CIT: variants seen among roughly 807,000 people sequenced by gnomAD.
CIT encodes the protein citron Rho-interacting kinase.
CIT carries 79 observed loss-of-function variants against 272.7 expected under a neutral mutation model. That is an observed-to-expected ratio of 0.29 (90% CI 0.24 to 0.35). CIT has a LOEUF of 0.35. Ranked by LOEUF, CIT falls within the 10% of genes least tolerant of loss-of-function variation. CIT has a pLI of 1.00. For missense variants in CIT, 1,909 were observed against 2,618.3 expected (o/e 0.73, Z 5.91); for synonymous variants, 948 against 995.6 (o/e 0.95, Z 0.90).
chr12:119,807,459 CA>C (rs1372356956), intron 9 of CIT, among the ~76,000 whole-genome samples: 1 of 151,368 alleles, frequency 6.6e-6, no homozygotes, highest in Non-Finnish European at 1.5e-5. Flanking sequence ...TTGATCCTTA[CA>C]AAATGTGATT....
At position 119,694,424 on chromosome 12, in the gene CIT, T is replaced by G. The variant is rs1480665426; in HGVS notation, c.5882+3235A>C. Among the ~76,000 whole-genome samples the G allele has an allele frequency of 6.6e-6, 1 of 152,142 alleles. No homozygotes were observed. Among genetic ancestry groups the G allele is most frequent in the African/African-American group, 2.4e-5 (1 of 41,418 alleles). On this transcript the variant is annotated intron_variant, in intron 46 of 47. Transcript: ENST00000392521. This position sits in a 1 kb window ranked among gnomAD's most constrained non-coding sequence, Gnocchi z 4.5. ...AGGCATCTGGGGAGAAATGAATGAATAACTACTTCTCACACTGACACGGAG... is the reference window on the plus strand; with the variant it reads ...AGGCATCTGGGGAGAAATGAATGAAGAACTACTTCTCACACTGACACGGAG...
intron 9 of CIT, among the ~76,000 whole-genome samples, chr12:119,816,084 C>G (rs976174615): frequency 6.6e-6 from 1 of 152,016 alleles, no homozygotes; most frequent in Non-Finnish European, 1.5e-5. Flanking sequence ...ATAAATGGAA[C>G]AATAATAAGC....
chr12:119,762,398 G>A (rs1218625163), intron 19 of CIT, among the ~76,000 whole-genome samples: 1 of 152,166 alleles, frequency 6.6e-6, no homozygotes, highest in Non-Finnish European at 1.5e-5. Flanking sequence ...GTAGAATCGA[G>A]GGTATGATCA....
In CIT at chr12:119,804,079, G is replaced by T; in HGVS notation, c.1112-690C>A. The T allele has an allele frequency of 1.3e-6, 1 of 768,204 alleles. No individual in the cohort carries two copies. Among genetic ancestry groups the T allele is most frequent in the Non-Finnish European group, 1.6e-6 (1 of 632,680 alleles). The allele number at this position is 768,204 out of a possible 1,614,324, so 47.6% of individuals were successfully genotyped here. A position where few individuals can be genotyped will look rare whatever the true frequency, so the allele number is the denominator to read the frequency against. On this transcript the variant is annotated intron_variant, in intron 9 of 47. Coordinates refer to ENST00000392521, the MANE Select transcript of CIT (RefSeq NM_001206999.2). The surrounding 1 kb of genome is among the most constrained non-coding windows in gnomAD (Gnocchi z 5.3). ...GTTTAATCAGCATAATGAAGCACCAGCCAAATAAAGTTCCTACCGGTGATC... is the reference window on the plus strand; with the variant it reads ...GTTTAATCAGCATAATGAAGCACCATCCAAATAAAGTTCCTACCGGTGATC...
At chr12:119,730,719 A>C in intron 26 of CIT, 89 bp from the exon 27 acceptor site, 3 of 1,414,604 alleles carry the variant, frequency 2.1e-6, no homozygotes, top group Non-Finnish European at 2.9e-6. Context: ...CCTGACGAGC[A>C]ACTAAACAGG....
chr12:119,793,554 GC>G (rs1192888094), intron 10 of CIT, among the ~76,000 whole-genome samples: 4 of 152,254 alleles, frequency 2.6e-5, no homozygotes, highest in African/African-American at 9.6e-5. Context: ...ATACCTAAAG[GC>G]CCTGATGACC....
chr12:119,773,708 G>A (rs539848432), intron 16 of CIT, among the ~76,000 whole-genome samples: 32 of 152,298 alleles, frequency 2.1e-4, no homozygotes, highest in Middle Eastern at 3.4e-3. Context: ...GATTACAGGC[G>A]TGAGCCACCA....
chr12:119,740,188 T>A (rs1449554804), intron 24 of CIT, among the ~76,000 whole-genome samples: 5 of 152,106 alleles, frequency 3.3e-5, no homozygotes, highest in Middle Eastern at 3.2e-3. Context: ...CAGAGGTAAA[T>A]GAAGCAAAGA....
intron 28 of CIT, among the ~76,000 whole-genome samples, chr12:119,721,654 C>G (rs1957818924): frequency 6.6e-6 from 1 of 152,168 alleles, no homozygotes; most frequent in East Asian, 1.9e-4. Context: ...CTCTGCTGGC[C>G]AACAAGTCCG....
chr12:119,804,287 G>A lies in CIT; in HGVS notation c.1112-898C>T, dbSNP rs2137890018. 1 of 985,510 alleles carries A rather than the reference G, an allele frequency of 1.0e-6. No homozygotes were observed. The highest frequency in any genetic ancestry group is 1.2e-6 in the Non-Finnish European group (1 of 829,984). The allele number at this position is 985,510 out of a possible 1,614,324, so 61.0% of individuals were successfully genotyped here. Reference sequence around the variant, plus strand: ...CAGTCACCAGGAGGCTGCCCATCGCGGTGGGCTCCCGGGGGTGTCCCCCGC... The same window carrying A: ...CAGTCACCAGGAGGCTGCCCATCGCAGTGGGCTCCCGGGGGTGTCCCCCGC... On this transcript the variant is annotated intron_variant, in intron 9 of 47. Coordinates refer to ENST00000392521, the MANE Select transcript of CIT (RefSeq NM_001206999.2). The surrounding 1 kb of genome is among the most constrained non-coding windows in gnomAD (Gnocchi z 5.3).
intron 39 of CIT, among the ~76,000 whole-genome samples, chr12:119,709,850 G>T (rs1957076831): frequency 6.7e-6 from 1 of 148,612 alleles, no homozygotes; most frequent in African/African-American, 2.5e-5. Flanking sequence ...AGAAGACAGA[G>T]AAAAAAATTA....
chr12:119,865,590 A>G (rs901535115), intron 3 of CIT, among the ~76,000 whole-genome samples: 2 of 152,050 alleles, frequency 1.3e-5, no homozygotes, highest in African/African-American at 2.4e-5. Context: ...ATTATTCCCA[A>G]TGGGCGTGGT....
chr12:119,776,256 T>C lies in CIT; in HGVS notation c.1887+102A>G, dbSNP rs74896234. ...AGCCTCGAAGAGAGGTCTCTATTCA[T>C]TGATGAAGAATACTCTTCATCAATG... On this transcript the variant is annotated intron_variant, in intron 15 of 47. Transcript: ENST00000392521. The C allele has an allele frequency of 3.4e-6, 3 of 887,272 alleles. No homozygotes were observed. In the East Asian group the frequency reaches 7.3e-5, roughly 21 times the overall value. 55.0% of individuals were successfully genotyped at this position (887,272 alleles called of 1,614,324 possible). A position where few individuals can be genotyped will look rare whatever the true frequency, so the allele number is the denominator to read the frequency against.
In CIT at chr12:119,869,101, G is replaced by A. The variant is rs1292302401; in HGVS notation, c.197C>T (p.Ala66Val). The change falls in exon 3 of 48, where the codon GCT (alanine) becomes GTT (valine). Residue 66 changes from alanine (A) to valine (V), a missense_variant. By Grantham distance (64) the Ala-to-Val change is moderately conservative. Around this residue, in one of 8 missense-constraint regions of CIT, gnomAD observed 529 missense variants for 549.6 expected, o/e 0.96. Transcript: ENST00000392521. The stretch of plus-strand genomic sequence containing the variant: ...GCTCACGTGCTTAATCTTCATCAGA[G>A]CAGGCTGACTGCATTCTTCAAAGAG... ...FVLFEECSQP[A>V]LMKIKHVSNF... is the part of the protein sequence containing the mutation. 2 of 1,612,240 alleles carry A rather than the reference G, an allele frequency of 1.2e-6. No homozygotes were observed. Among genetic ancestry groups the A allele is most frequent in the Non-Finnish European group, 1.7e-6 (2 of 1,179,524 alleles).
chr12:119,772,129 G>A lies in CIT; in HGVS notation c.2082+641C>T, dbSNP rs537049913. Reference sequence around the variant, plus strand: ...AAAAGCAAAAGACCCAGCAATAGGAGGAGGGTGAAATCAACTACGGCACGC... The same window carrying A: ...AAAAGCAAAAGACCCAGCAATAGGAAGAGGGTGAAATCAACTACGGCACGC... On this transcript the variant is annotated intron_variant, in intron 17 of 47. Transcript: ENST00000392521. 6.2e-5 allele frequency among the ~76,000 whole-genome samples: 9 copies of A among 145,612 alleles called. No individual in the cohort carries two copies. The South Asian group carries it at 1.8e-3, about 30-fold the overall frequency.
At chr12:119,875,393 T>C (rs1950812362) in intron 2 of CIT, among the ~76,000 whole-genome samples, 1 of 152,194 alleles carries the variant, frequency 6.6e-6, no homozygotes, top group South Asian at 2.1e-4. Flanking sequence ...CTAAGGCAAG[T>C]TCAGCTATCT....
rs369065687 is a variant in CIT at position 119,701,617 on chromosome 12, G to A, written c.5542+7C>T. On this transcript the variant is annotated splice_region_variant and intron_variant, in intron 43 of 47. Transcript: ENST00000392521. ...CCAAAAGGGCAGTGGGCGCAGCCACGACTCACCGTGGAAACACAGCAAGTA... is the reference window on the plus strand; with the variant it reads ...CCAAAAGGGCAGTGGGCGCAGCCACAACTCACCGTGGAAACACAGCAAGTA... 12 of 1,612,796 alleles carry A rather than the reference G, an allele frequency of 7.4e-6. No individual in the cohort carries two copies. Among genetic ancestry groups the A allele is most frequent in the African/African-American group, 4.0e-5 (3 of 75,026 alleles).
chr12:119,718,598 T>C lies in CIT; in HGVS notation c.4003+101A>G. The C allele has an allele frequency of 6.6e-7, 1 of 1,514,590 alleles. No individual in the cohort carries two copies. Among genetic ancestry groups the C allele is most frequent in the Admixed American group, 1.8e-5 (1 of 55,332 alleles). 93.8% of individuals were successfully genotyped at this position (1,514,590 alleles called of 1,614,324 possible). A position where few individuals can be genotyped will look rare whatever the true frequency, so the allele number is the denominator to read the frequency against. On this transcript the variant is annotated intron_variant, in intron 31 of 47. Coordinates refer to ENST00000392521, the MANE Select transcript of CIT (RefSeq NM_001206999.2). The surrounding 1 kb of genome is among the most constrained non-coding windows in gnomAD (Gnocchi z 4.8). Reference sequence around the variant, plus strand: ...GTCTGGTCTGAAAGCGTATGGGCCATAAACGAAGACACTGAGCTAGTTAGT... The same window carrying C: ...GTCTGGTCTGAAAGCGTATGGGCCACAAACGAAGACACTGAGCTAGTTAGT...
rs570267849 is a variant in CIT, at chr12:119,704,016, A to G, written c.5304+347T>C. ...AAGATTCTGATAAGTGCTACCTGGG[A>G]CTGCTAGGATCTTAGAAAGAGCCCC... is the stretch of plus-strand genomic sequence containing the variant. On this transcript the variant is annotated intron_variant, in intron 41 of 47. Coordinates refer to ENST00000392521, the MANE Select transcript of CIT (RefSeq NM_001206999.2). Among the ~76,000 whole-genome samples, 123 of 152,246 alleles carry G rather than the reference A, an allele frequency of 8.1e-4. 1 individual carries two copies. Among genetic ancestry groups the G allele is most frequent in the African/African-American group, 2.9e-3 (119 of 41,526 alleles).
Sources: allele counts gnomAD v4.1 joint callset (sites outside exome capture counted in the v4.1 genomes callset), GRCh38; gene constraint gnomAD v4.1.1; regional missense constraint gnomAD v4.1.1; non-coding constraint Gnocchi (gnomAD v3.1); transcripts MANE v1.5; gene names NCBI Gene and HGNC (gene_info 2026-07-23, HGNC 2026-07-21).